TMEFF1: variants seen among roughly 807,000 people sequenced by gnomAD.
TMEFF1 encodes transmembrane protein with EGF like and two follistatin like domains 1, also known as tomoregulin-1.
Under a neutral mutation model 47.5 loss-of-function variants are expected in TMEFF1, and 20 were observed. The observed-to-expected ratio is 0.42, with a 90% confidence interval of 0.30 to 0.61. The LOEUF is 0.61. Among genes scored for constraint, TMEFF1 ranks in the 20% least tolerant of loss-of-function variants. The pLI is 0.19. For missense variants in TMEFF1, 411 were observed against 471.1 expected, an observed-to-expected ratio of 0.87 and a Z score of 1.18; for synonymous variants, 162 against 166.3, an observed-to-expected ratio of 0.97 and a Z score of 0.20.
At chr9:100,530,059 C>A (rs948070186) in intron 5 of TMEFF1, among the ~76,000 whole-genome samples, 1 of 151,556 alleles carries the variant, frequency 6.6e-6, no homozygotes, top group Non-Finnish European at 1.5e-5. Flanking sequence ...AACAAAGGCA[C>A]AACATACCAG....
chr9:100,530,184 C>G (rs1838349448), intron 5 of TMEFF1, among the ~76,000 whole-genome samples: 1 of 151,748 alleles, frequency 6.6e-6, no homozygotes, highest in African/African-American at 2.4e-5. Flanking sequence ...ATTAAAAGAA[C>G]TAGAAAAGCA....
intron 2 of TMEFF1, among the ~76,000 whole-genome samples, chr9:100,504,639 G>A (rs1011586184): frequency 1.9e-4 from 29 of 152,210 alleles, no homozygotes; most frequent in African/African-American, 7.0e-4. Flanking sequence ...AACTTTGTTA[G>A]GTAGGTAGTA....
chr9:100,572,792 T>A, intron 9 of TMEFF1, 116 bp downstream of exon 9: 2 of 1,282,366 alleles, frequency 1.6e-6, no homozygotes, highest in East Asian at 5.4e-5. Flanking sequence ...TTCCCTGAGG[T>A]TTTCAGTGGT....
chr9:100,525,072 ATAGAGT>A (rs779933417), intron 5 of TMEFF1, among the ~76,000 whole-genome samples: 2 of 152,166 alleles, frequency 1.3e-5, no homozygotes, highest in African/African-American at 2.4e-5. Flanking sequence ...ACAGCTGTCT[ATAGAGT>A]TAAACTATTT....
chr9:100,481,286 G>A (rs943245617), intron 1 of TMEFF1, among the ~76,000 whole-genome samples: 3 of 152,048 alleles, frequency 2.0e-5, no homozygotes, highest in Non-Finnish European at 2.9e-5. Flanking sequence ...TATCTGTTTC[G>A]TTTACCACTG....
intron 1 of TMEFF1, among the ~76,000 whole-genome samples, chr9:100,484,510 G>A (rs1259226525): frequency 6.6e-6 from 1 of 151,834 alleles, no homozygotes; most frequent in Admixed American, 6.6e-5. Flanking sequence ...GTAGAGGCGG[G>A]GTTTTACTGT....
intron 5 of TMEFF1, among the ~76,000 whole-genome samples, chr9:100,533,241 T>G (rs959050477): frequency 2.0e-5 from 3 of 148,822 alleles, no homozygotes; most frequent in Non-Finnish European, 3.0e-5. Flanking sequence ...AGTATAATAA[T>G]AAAAAAAAAA....
chr9:100,513,944 A>G (rs1838016355), intron 4 of TMEFF1, among the ~76,000 whole-genome samples: 1 of 152,228 alleles, frequency 6.6e-6, no homozygotes, highest in South Asian at 2.1e-4. Context: ...TTACAAATAT[A>G]TGAATTATTT....
intron 1 of TMEFF1, among the ~76,000 whole-genome samples, chr9:100,494,270 T>A (rs1480408344): frequency 6.6e-6 from 1 of 151,354 alleles, no homozygotes; most frequent in Non-Finnish European, 1.5e-5. Context: ...ATTCTCTTGA[T>A]AAATTTTATC....
chr9:100,565,863 G>C (rs941720371), intron 8 of TMEFF1, among the ~76,000 whole-genome samples: 4 of 151,958 alleles, frequency 2.6e-5, no homozygotes, highest in Admixed American at 1.3e-4. Flanking sequence ...TGTCCTGTTT[G>C]TTTCCTTTCC....
chr9:100,491,450 G>T (rs1172387260), intron 1 of TMEFF1, among the ~76,000 whole-genome samples: 1 of 152,220 alleles, frequency 6.6e-6, no homozygotes, highest in South Asian at 2.1e-4. Flanking sequence ...ACAGAATCCA[G>T]TAGAGATGAA....
chr9:100,531,189 C>T (rs1327049497), intron 5 of TMEFF1, among the ~76,000 whole-genome samples: 1 of 152,126 alleles, frequency 6.6e-6, no homozygotes, highest in Non-Finnish European at 1.5e-5. Flanking sequence ...GACAGGGATG[C>T]CCTCTCTCAC....
chr9:100,561,491 C>G lies in TMEFF1; in HGVS notation c.870C>G (p.Phe290Leu). 6.2e-7 allele frequency: 1 copy of G among 1,613,734 alleles called. No homozygotes were observed. The highest frequency in any genetic ancestry group is 2.2e-5 in the East Asian group (1 of 44,850). Residue 290 changes from phenylalanine (F) to leucine (L), a missense_variant, in exon 8 of 10, where the codon TTC becomes TTG. Transcript: ENST00000374879. ...ACTGCATCCATGGAAAATGTGAATT[C>G]ATCTATTCTACTCAGAAGGCTTCTT... is the stretch of plus-strand genomic sequence containing the variant. ...NGYCIHGKCE[F>L]IYSTQKASCR...
intron 4 of TMEFF1, among the ~76,000 whole-genome samples, chr9:100,515,468 C>T (rs896787766): frequency 1.3e-5 from 2 of 151,932 alleles, no homozygotes; most frequent in African/African-American, 4.8e-5. Context: ...ATTTGTGTAC[C>T]TTTTTTAACA....
intron 6 of TMEFF1, 108 bp downstream of exon 6, chr9:100,548,000 A>G: frequency 8.1e-7 from 1 of 1,237,852 alleles, no homozygotes; most frequent in Non-Finnish European, 1.0e-6. Flanking sequence ...AAATCCTCGA[A>G]GCTTTATTTT....
At chr9:100,481,094 A>G (rs1026398753) in intron 1 of TMEFF1, among the ~76,000 whole-genome samples, 5 of 152,162 alleles carry the variant, frequency 3.3e-5, no homozygotes, top group Non-Finnish European at 7.3e-5. Context: ...TGTTTGCTCT[A>G]ATGTCACCTT....
At chr9:100,528,473 C>G (rs972449222) in intron 5 of TMEFF1, among the ~76,000 whole-genome samples, 3 of 146,342 alleles carry the variant, frequency 2.0e-5, no homozygotes, top group African/African-American at 5.2e-5. Context: ...ATGCGATCAA[C>G]TGGAAGAAAG....
At chr9:100,543,794 A>G (rs1228686871) in intron 5 of TMEFF1, among the ~76,000 whole-genome samples, 5 of 152,096 alleles carry the variant, frequency 3.3e-5, no homozygotes, top group Non-Finnish European at 1.5e-5. Flanking sequence ...GTTGGGCTGC[A>G]TTCAAAGCCA....
intron 7 of TMEFF1, among the ~76,000 whole-genome samples, chr9:100,560,078 CATACAT>C (rs1427718158): frequency 6.6e-6 from 1 of 152,108 alleles, no homozygotes; most frequent in African/African-American, 2.4e-5. Context: ...TCTCCATACA[CATACAT>C]ATAACTCACT....
Sources: allele counts gnomAD v4.1 joint callset (sites outside exome capture counted in the v4.1 genomes callset), GRCh38; gene constraint gnomAD v4.1.1; transcripts MANE v1.5; gene names NCBI Gene and HGNC (gene_info 2026-07-23, HGNC 2026-07-21).